The following LSM2 variants were observed in gnomAD, a reference collection of about 807,000 sequenced individuals.
LSM2 encodes the protein U6 snRNA-associated Sm-like protein LSm2.
In LSM2, 12 loss-of-function variants were observed where a neutral mutation model predicts 17.0. That is an observed-to-expected ratio of 0.70 (90% CI 0.45 to 1.14). The LOEUF (loss-of-function observed/expected upper bound fraction) is 1.14, where lower values mean the gene tolerates loss of function less well. LSM2 is among the 50% of genes most tolerant of loss of function. LSM2 has a pLI of 0.00. For missense variants in LSM2, 62 were observed against 111.8 expected, an observed-to-expected ratio of 0.55 and a Z score of 2.01; for synonymous variants, 42 against 44.5, an observed-to-expected ratio of 0.94 and a Z score of 0.22.
intron 2 of LSM2, among the ~76,000 whole-genome samples, chr6:31,803,115 T>A (rs1409776636): frequency 6.6e-6 from 1 of 152,174 alleles, no homozygotes; most frequent in Admixed American, 6.5e-5. Flanking sequence ...CAATATCACT[T>A]GCATTGCCAG....
chr6:31,805,514 G>A (rs1814979995), intron 2 of LSM2, among the ~76,000 whole-genome samples: 1 of 151,924 alleles, frequency 6.6e-6, no homozygotes, highest in South Asian at 2.1e-4. Context: ...ACAGGCACCA[G>A]CCACCGTGCC....
chr6:31,798,362 G>A (rs1443022372), intron 3 of LSM2, 115 bp downstream of exon 3: 6 of 1,285,938 alleles, frequency 4.7e-6, no homozygotes, highest in South Asian at 2.5e-5. Context: ...GTGAGCCACC[G>A]TGCCTGGCCG....
At chr6:31,801,348 A>G (rs1185776821) in intron 2 of LSM2, among the ~76,000 whole-genome samples, 1 of 152,162 alleles carries the variant, frequency 6.6e-6, no homozygotes, top group African/African-American at 2.4e-5. Flanking sequence ...TGTTCTCACC[A>G]TATTGCTAGC....
chr6:31,797,842 C>T lies in LSM2; in HGVS notation c.203G>A (p.Arg68Gln), dbSNP rs774140291. Reference protein sequence around the residue: ...KNCFIRGSVVRYVQLPADEVD... With the variant: ...KNCFIRGSVVQYVQLPADEVD... Reference sequence around the variant, plus strand: ...CTCATCTGCTGGCAGCTGCACGTATCGGACCACTGAGCCCCGAATGAAGCA... The same window carrying T: ...CTCATCTGCTGGCAGCTGCACGTATTGGACCACTGAGCCCCGAATGAAGCA... The change falls in exon 5 of 5, where the codon CGA (arginine) becomes CAA (glutamine). Residue 68 changes from arginine (R) to glutamine (Q), a missense_variant. Physicochemically the swap from Arg to Gln is conservative, Grantham distance 43. Coordinates refer to ENST00000375661, the MANE Select transcript of LSM2 (RefSeq NM_021177.5). 5 of 1,612,920 alleles carry T rather than the reference C, an allele frequency of 3.1e-6. No individual in the cohort carries two copies. Among genetic ancestry groups the T allele is most frequent in the Non-Finnish European group, 3.4e-6 (4 of 1,180,006 alleles).
rs1815079474 is a variant in LSM2 at position 31,806,887 on chromosome 6, G to T, written c.-130C>A. On this transcript the variant is annotated 5_prime_UTR_variant, in exon 1 of 5. Coordinates refer to ENST00000375661, the MANE Select transcript of LSM2 (RefSeq NM_021177.5). ...CCGCGCAGGCGCAGCGGGAAGCGAC[G>T]CAGAAAGCTCCAAGCGCTGACGGGC... The T allele has an allele frequency of 2.4e-6, 3 of 1,264,538 alleles. No individual in the cohort carries two copies. Among genetic ancestry groups the T allele is most frequent in the Non-Finnish European group, 3.2e-6 (3 of 935,570 alleles). 78.3% of individuals were successfully genotyped at this position (1,264,538 alleles called of 1,614,324 possible).
intron 4 of LSM2, 44 bp from the exon 5 acceptor site, chr6:31,797,926 C>G: frequency 6.2e-7 from 1 of 1,612,668 alleles, no homozygotes. Context: ...TAAAAATGTC[C>G]TCTAACCACC....
intron 2 of LSM2, 79 bp downstream of exon 2, chr6:31,805,996 G>T: frequency 7.6e-7 from 1 of 1,317,910 alleles, no homozygotes. Flanking sequence ...GCCTAGCCCT[G>T]AAATATTTCT....
At chr6:31,798,444 G>A (rs777724955) in intron 3 of LSM2, 33 bp downstream of exon 3, 4 of 1,612,494 alleles carry the variant, frequency 2.5e-6, no homozygotes, top group Non-Finnish European at 3.4e-6. Context: ...TCCTTCTCCA[G>A]GAACCAATTC....
intron 2 of LSM2, among the ~76,000 whole-genome samples, chr6:31,804,739 G>A (rs494718): frequency 0.23 from 35,180 of 149,866 alleles, 4,634 homozygotes; most frequent in African/African-American, 0.32. Context: ...CATCGTGCCC[G>A]GCCTATGGCC....
At chr6:31,800,672 G>C (rs1302667379) in intron 2 of LSM2, among the ~76,000 whole-genome samples, 1 of 152,072 alleles carries the variant, frequency 6.6e-6, no homozygotes, top group Non-Finnish European at 1.5e-5. Flanking sequence ...TGGATCACGA[G>C]GTCAGGAGAT....
intron 3 of LSM2, 58 bp from the exon 4 acceptor site, chr6:31,798,107 G>A: frequency 1.4e-6 from 2 of 1,397,038 alleles, no homozygotes; most frequent in Non-Finnish European, 1.9e-6. Flanking sequence ...TGAGACAAGA[G>A]TTTTGCTCTT....
At chr6:31,806,262 A>G (rs529422807) in intron 1 of LSM2, 120 bp from the exon 2 acceptor site, 67 of 922,886 alleles carry the variant, frequency 7.3e-5, no homozygotes, top group Admixed American at 2.1e-4. Context: ...ACAGTTCTCA[A>G]AATTTCACAG....
intron 2 of LSM2, among the ~76,000 whole-genome samples, chr6:31,801,788 C>A (rs931209640): frequency 3.3e-5 from 5 of 151,748 alleles, no homozygotes; most frequent in Non-Finnish European, 7.4e-5. Flanking sequence ...AGAGTGAGAC[C>A]CTGTCTCAAG....
At position 31,806,909 on chromosome 6, in the gene LSM2, G is replaced by T; in HGVS notation, c.-152C>A. The T allele has an allele frequency of 9.3e-7, 1 of 1,076,232 alleles. No individual in the cohort carries two copies. Among genetic ancestry groups the T allele is most frequent in the South Asian group, 1.7e-5 (1 of 59,888 alleles). 66.7% of individuals were successfully genotyped at this position (1,076,232 alleles called of 1,614,324 possible). ...GACGCAGAAAGCTCCAAGCGCTGAC[G>T]GGCAAAGCGCGGCCGACTTGCGGCT... On this transcript the variant is annotated 5_prime_UTR_variant, in exon 1 of 5. Transcript: ENST00000375661.
At chr6:31,800,916 C>G (rs1440085137) in intron 2 of LSM2, among the ~76,000 whole-genome samples, 1 of 150,678 alleles carries the variant, frequency 6.6e-6, no homozygotes, top group African/African-American at 2.4e-5. Flanking sequence ...ATTAGCTGGG[C>G]ATTGTGGTGT....
chr6:31,806,822 G>A lies in LSM2; in HGVS notation c.-65C>T, dbSNP rs1277585816. On this transcript the variant is annotated 5_prime_UTR_variant, in exon 1 of 5. Coordinates refer to ENST00000375661, the MANE Select transcript of LSM2 (RefSeq NM_021177.5). ...AGCAGGGTGCTGCGAGCAGGTCTGG[G>A]GAAACCGAAGCGCGAGCCCGCGCGT... 1.2e-5 allele frequency: 19 copies of A among 1,545,534 alleles called. No homozygotes were observed. The African/African-American group carries it at 2.0e-4, about 16-fold the overall frequency.
In LSM2 at chr6:31,797,582, AG is replaced by A; in HGVS notation, c.*174del. ...CTACTTATCCTCCCCTTCTCAAGAG[AG>A]GATAGCTGTTCCCTATTACTCCTCT... On this transcript the variant is annotated 3_prime_UTR_variant, in exon 5 of 5. Coordinates refer to ENST00000375661, the MANE Select transcript of LSM2 (RefSeq NM_021177.5). The A allele has an allele frequency of 3.5e-6, 3 of 868,400 alleles. No homozygotes were observed. Among genetic ancestry groups the A allele is most frequent in the Non-Finnish European group, 5.3e-6 (3 of 568,080 alleles). The allele number at this position is 868,400 out of a possible 1,614,324, so 53.8% of individuals were successfully genotyped here.
rs970169089 is a variant in LSM2, at chr6:31,798,147, T to C, written c.103-98A>G. The C allele has an allele frequency of 7.0e-6, 8 of 1,135,758 alleles. No individual in the cohort carries two copies. In the African/African-American group the frequency reaches 1.1e-4, roughly 16 times the overall value. 70.4% of individuals were successfully genotyped at this position (1,135,758 alleles called of 1,614,324 possible). A position where few individuals can be genotyped will look rare whatever the true frequency, so the allele number is the denominator to read the frequency against. On this transcript the variant is annotated intron_variant, in intron 3 of 4. Transcript: ENST00000375661. ...CCCAGGCTGGAGTGCAATGGTGCCATCTCGGCTCACTGCAATCTCCGCCTC... is the reference window on the plus strand; with the variant it reads ...CCCAGGCTGGAGTGCAATGGTGCCACCTCGGCTCACTGCAATCTCCGCCTC...
intron 1 of LSM2, 197 bp from the exon 2 acceptor site, chr6:31,806,339 C>A: frequency 1.6e-6 from 1 of 615,378 alleles, no homozygotes. Context: ...TGCACTGAGC[C>A]CATCACTTAA....
Sources: allele counts gnomAD v4.1 joint callset (sites outside exome capture counted in the v4.1 genomes callset), GRCh38; gene constraint gnomAD v4.1.1; transcripts MANE v1.5; gene names NCBI Gene and HGNC (gene_info 2026-07-23, HGNC 2026-07-21).